The following KCNH7 variants were observed in gnomAD, a reference collection of about 807,000 sequenced individuals.
The protein encoded by KCNH7 is potassium voltage-gated channel subfamily H member 7.
A neutral mutation model predicts 120.8 loss-of-function variants in KCNH7; 49 were observed. That is an observed-to-expected ratio of 0.41 (90% CI 0.32 to 0.51). The LOEUF (loss-of-function observed/expected upper bound fraction) is 0.51. KCNH7 is among the 20% of genes least tolerant of loss of function. The pLI, the probability that KCNH7 is intolerant of heterozygous loss-of-function variation, is 0.38. For missense variants in KCNH7, 1,097 were observed against 1,446.6 expected (o/e 0.76, Z 3.92); for synonymous variants, 547 against 516.1 (o/e 1.06, Z -0.81).
intron 15 of KCNH7, 64 bp downstream of exon 15, chr2:162,373,406 G>T (rs1047314038): frequency 5.1e-6 from 6 of 1,169,252 alleles, no homozygotes; most frequent in Non-Finnish European, 6.9e-6. Flanking sequence ...AAGTGATTCT[G>T]ATTAGGTGAC....
At chr2:162,415,708 T>A (rs1244060232) in intron 9 of KCNH7, among the ~76,000 whole-genome samples, 1 of 152,146 alleles carries the variant, frequency 6.6e-6, no homozygotes, top group Non-Finnish European at 1.5e-5. Flanking sequence ...AAAAAATTTA[T>A]AAATCTCAAT....
At chr2:162,698,752 A>G (rs1248465331) in intron 2 of KCNH7, among the ~76,000 whole-genome samples, 1 of 152,096 alleles carries the variant, frequency 6.6e-6, no homozygotes, top group Non-Finnish European at 1.5e-5. Context: ...GATAAACATC[A>G]TGGGACTACC....
At chr2:162,718,163 A>T (rs891606603) in intron 2 of KCNH7, among the ~76,000 whole-genome samples, 1 of 151,960 alleles carries the variant, frequency 6.6e-6, no homozygotes, top group Non-Finnish European at 1.5e-5. Context: ...TTGACAGAGA[A>T]AGAAATCTGC....
intron 6 of KCNH7, among the ~76,000 whole-genome samples, chr2:162,494,526 C>A (rs1374487005): frequency 6.6e-6 from 1 of 151,966 alleles, no homozygotes; most frequent in Non-Finnish European, 1.5e-5. Context: ...TGTATATGTT[C>A]CAAAATTGTA....
chr2:162,814,936 C>G (rs919827459), intron 2 of KCNH7, among the ~76,000 whole-genome samples: 1 of 152,144 alleles, frequency 6.6e-6, no homozygotes, highest in African/African-American at 2.4e-5. Context: ...ACTCTCCACT[C>G]TAAGACCACA....
At chr2:162,493,462 G>A (rs13027071) in intron 6 of KCNH7, among the ~76,000 whole-genome samples, 19,397 of 152,202 alleles carry the variant, frequency 0.13, 1,542 homozygotes, top group South Asian at 0.37. Context: ...TCTTCAAAAT[G>A]TAAATATGTG....
chr2:162,500,500 G>T (rs1292305009), intron 6 of KCNH7, among the ~76,000 whole-genome samples: 1 of 151,742 alleles, frequency 6.6e-6, no homozygotes, highest in Non-Finnish European at 1.5e-5. Context: ...AACTGAGGAG[G>T]TAAATAACTA....
At position 162,518,061 on chromosome 2, in the gene KCNH7, T is replaced by C. The variant is rs1410416765; in HGVS notation, c.561A>G (p.Ser187=). 6.2e-7 allele frequency: 1 copy of C among 1,612,506 alleles called. No homozygotes were observed. Among genetic ancestry groups the C allele is most frequent in the East Asian group, 2.2e-5 (1 of 44,774 alleles). The part of the protein sequence containing the change: ...QEDPDVVVID[S]SKHSDDSVAM... ...CTACTGAATCATCACTGTGTTTAGA[T>C]GAATCGATGACCACCACATCGGGGT... Residue 187 remains serine (S), a synonymous_variant, in exon 4 of 16, where the codon TCA becomes TCG. Transcript: ENST00000332142.
intron 2 of KCNH7, among the ~76,000 whole-genome samples, chr2:162,560,324 T>C (rs957546780): frequency 6.6e-6 from 1 of 152,222 alleles, no homozygotes; most frequent in African/African-American, 2.4e-5. Context: ...AAAGCTCTTC[T>C]TACCTCCTGG....
intron 14 of KCNH7, among the ~76,000 whole-genome samples, chr2:162,374,165 A>G (rs911060904): frequency 6.6e-6 from 1 of 152,142 alleles, no homozygotes; most frequent in Admixed American, 6.5e-5. Flanking sequence ...TAAGTATTGT[A>G]TATTATTCAT....
intron 2 of KCNH7, among the ~76,000 whole-genome samples, chr2:162,575,716 G>A (rs1693647018): frequency 1.3e-5 from 2 of 152,062 alleles, no homozygotes; most frequent in Non-Finnish European, 2.9e-5. Flanking sequence ...TCTTCTGCAT[G>A]TAACTGCATT....
intron 2 of KCNH7, among the ~76,000 whole-genome samples, chr2:162,567,609 A>G (rs1390675965): frequency 6.6e-6 from 1 of 151,970 alleles, no homozygotes; most frequent in Non-Finnish European, 1.5e-5. Context: ...ATTGATTTGT[A>G]TTGTTTATCT....
intron 6 of KCNH7, among the ~76,000 whole-genome samples, chr2:162,477,548 C>T (rs1403288856): frequency 6.6e-6 from 1 of 151,860 alleles, no homozygotes; most frequent in Non-Finnish European, 1.5e-5. Context: ...GCAGTCAGGC[C>T]CTAAAAAAAA....
intron 2 of KCNH7, among the ~76,000 whole-genome samples, chr2:162,806,989 A>T (rs13383180): frequency 6.6e-6 from 1 of 152,074 alleles, no homozygotes; most frequent in Non-Finnish European, 1.5e-5. Context: ...CCAACAATAG[A>T]AATAGAAACT....
rs542932601 is a variant in KCNH7 at position 162,470,951 on chromosome 2, A to T, written c.1129-24508T>A. On this transcript the variant is annotated intron_variant, in intron 6 of 15. Transcript: ENST00000332142. ...CTGTTGATCTCTGACCTTACCCCCAACCCTGTGCCCTCTGAAACATGTGCT... is the reference window on the plus strand; with the variant it reads ...CTGTTGATCTCTGACCTTACCCCCATCCCTGTGCCCTCTGAAACATGTGCT... Among the ~76,000 whole-genome samples, 39 of 152,174 alleles carry T rather than the reference A, an allele frequency of 2.6e-4. 1 individual carries two copies. In the East Asian group the frequency reaches 7.6e-3, roughly 29 times the overall value.
At chr2:162,415,920 T>C (rs1468996620) in intron 9 of KCNH7, among the ~76,000 whole-genome samples, 2 of 152,194 alleles carry the variant, frequency 1.3e-5, no homozygotes, top group African/African-American at 4.8e-5. Flanking sequence ...ATGATTTCTC[T>C]AGGCCAGCCT....
chr2:162,518,658 T>A (rs1691405256), intron 3 of KCNH7, among the ~76,000 whole-genome samples: 1 of 151,720 alleles, frequency 6.6e-6, no homozygotes, highest in South Asian at 2.1e-4. Context: ...TTTAGAATAT[T>A]TGTATTGAAT....
chr2:162,545,339 G>T (rs10490429), intron 2 of KCNH7, among the ~76,000 whole-genome samples: 41 of 152,244 alleles, frequency 2.7e-4, no homozygotes, highest in Middle Eastern at 3.4e-3. Flanking sequence ...AGAAGTCTGC[G>T]ATAACATCTA....
chr2:162,558,946 T>G (rs1166603111), intron 2 of KCNH7, among the ~76,000 whole-genome samples: 2 of 148,800 alleles, frequency 1.3e-5, no homozygotes, highest in African/African-American at 2.5e-5. Context: ...TCCCAGCTAC[T>G]CGGGAGGCTG....
Sources: allele counts gnomAD v4.1 joint callset (sites outside exome capture counted in the v4.1 genomes callset), GRCh38; gene constraint gnomAD v4.1.1; transcripts MANE v1.5; gene names NCBI Gene and HGNC (gene_info 2026-07-23, HGNC 2026-07-21).